GALNT5: variants seen among roughly 807,000 people sequenced by gnomAD.
The protein encoded by GALNT5 is UDP-GalNAc:polypeptide N-acetylgalactosaminyltransferase 5.
In GALNT5, 72 loss-of-function variants were observed where a neutral mutation model predicts 85.4. The ratio of observed to expected loss-of-function variants is 0.84; its 90% CI spans 0.70 to 1.03. GALNT5 has a LOEUF of 1.03. Ranked by LOEUF, GALNT5 falls within the 50% of genes least tolerant of loss-of-function variation. GALNT5 has a pLI of 0.00. For missense variants in GALNT5, 1,137 were observed against 1,135.5 expected (o/e 1.00, Z -0.02); for synonymous variants, 404 against 397.0 (o/e 1.02, Z -0.21).
intron 2 of GALNT5, 113 bp downstream of exon 2, chr2:157,284,561 T>C: frequency 1.3e-6 from 1 of 770,444 alleles, no homozygotes; most frequent in Non-Finnish European, 2.2e-6. Flanking sequence ...ATAAACATCG[T>C]ACAAATGCTT....
intron 1 of GALNT5, among the ~76,000 whole-genome samples, chr2:157,267,705 T>A (rs1682486280): frequency 2.0e-5 from 3 of 152,222 alleles, no homozygotes; most frequent in African/African-American, 7.2e-5. Flanking sequence ...TGGTGGCTTA[T>A]ATTTCTAAGC....
intron 1 of GALNT5, among the ~76,000 whole-genome samples, chr2:157,283,653 T>A (rs1431411684): frequency 3.3e-5 from 5 of 152,034 alleles, no homozygotes; most frequent in African/African-American, 1.2e-4. Flanking sequence ...CCATGGCAGT[T>A]GGCAGACAGC....
chr2:157,270,243 T>A (rs1682553113), intron 1 of GALNT5, among the ~76,000 whole-genome samples: 1 of 152,210 alleles, frequency 6.6e-6, no homozygotes, highest in Admixed American at 6.5e-5. Context: ...TAGACTCATA[T>A]TAATCCAGCA....
chr2:157,267,687 G>C (rs1228198903), intron 1 of GALNT5, among the ~76,000 whole-genome samples: 1 of 152,212 alleles, frequency 6.6e-6, no homozygotes, highest in Non-Finnish European at 1.5e-5. Context: ...AGTGGTGAAT[G>C]TTTATGCTGG....
chr2:157,273,980 C>G (rs960222905), intron 1 of GALNT5, among the ~76,000 whole-genome samples: 2 of 151,988 alleles, frequency 1.3e-5, no homozygotes, highest in Non-Finnish European at 2.9e-5. Context: ...CTCCAGCCCC[C>G]CACCCCCTAA....
rs530331278 is a variant in GALNT5, at chr2:157,276,362, G to T, written c.1455-7920G>T. 4.4e-3 allele frequency among the ~76,000 whole-genome samples: 672 copies of T among 152,164 alleles called. 5 individuals carry two copies. The highest frequency in any genetic ancestry group is 0.015 in the African/African-American group (630 of 41,530). ...ATAAAATGAGTTAGGGAGGATTCCT[G>T]CTTTTTGTATTGATTGGAATAGTTT... On this transcript the variant is annotated intron_variant, in intron 1 of 9. Transcript: ENST00000259056.
Position 157,299,603 on chromosome 2 carries a change from C to T in GALNT5, c.2053C>T (p.Leu685Phe). 1.2e-6 allele frequency: 2 copies of T among 1,613,394 alleles called. No homozygotes were observed. The highest frequency in any genetic ancestry group is 8.5e-7 in the Non-Finnish European group (1 of 1,179,400). The change falls in exon 6 of 10, where the codon CTT becomes TTT. Residue 685 changes from leucine (L) to phenylalanine (F), a missense_variant. Transcript: ENST00000259056. ...FSIDKSYFFELGTYDPGLDVW... is the reference protein window; with the variant it reads ...FSIDKSYFFEFGTYDPGLDVW... ...TATTGACAAAAGTTACTTTTTTGAA[C>T]TTGGAACATACGACCCTGGCCTTGA...
chr2:157,294,455 G>A (rs1390219992), intron 3 of GALNT5, among the ~76,000 whole-genome samples: 1 of 152,180 alleles, frequency 6.6e-6, no homozygotes, highest in Non-Finnish European at 1.5e-5. Context: ...CGAGCAAAGT[G>A]TCTTCAAGAC....
intron 1 of GALNT5, among the ~76,000 whole-genome samples, chr2:157,281,051 ATTTCTTTC>A (rs113379473): frequency 4.0e-5 from 6 of 151,782 alleles, no homozygotes; most frequent in South Asian, 4.2e-4. Flanking sequence ...AGTCTCAGGT[ATTTCTTTC>A]TTTCTTTCTT....
At chr2:157,286,270 T>A in intron 3 of GALNT5, 136 bp downstream of exon 3, 1 of 677,438 alleles carries the variant, frequency 1.5e-6, no homozygotes, top group Non-Finnish European at 2.5e-6. Context: ...TTTTAAACAG[T>A]TTTTATAATA....
intron 1 of GALNT5, among the ~76,000 whole-genome samples, chr2:157,261,033 C>T (rs1375308351): frequency 6.6e-6 from 1 of 152,222 alleles, no homozygotes; most frequent in Admixed American, 6.5e-5. Flanking sequence ...TCTTCCATCT[C>T]TTGCCAATCT....
intron 1 of GALNT5, among the ~76,000 whole-genome samples, chr2:157,262,207 T>TAAAAAAAAAAAAAA (rs535714685): frequency 2.0e-5 from 2 of 97,840 alleles, no homozygotes; most frequent in African/African-American, 3.4e-5. Flanking sequence ...CCAAAAAATG[T>TAAAAAAAAAAAAAA]AAAAAAAAAA....
chr2:157,283,962 G>C (rs1377188716), intron 1 of GALNT5, among the ~76,000 whole-genome samples: 1 of 152,180 alleles, frequency 6.6e-6, no homozygotes, highest in Non-Finnish European at 1.5e-5. Context: ...CTAACTACCT[G>C]TAAACCCTGT....
chr2:157,313,299 G>T lies in GALNT5; in HGVS notation c.*1951G>T, dbSNP rs149298046. On this transcript the variant is annotated 3_prime_UTR_variant, in exon 10 of 10. Transcript: ENST00000259056. ...GTAACATGCACAAGTTTGTAACCTA[G>T]GAGCAACAGGGATTCCATATAGCCT... 19 of 152,258 alleles carry T rather than the reference G, an allele frequency of 1.2e-4. No individual in the cohort carries two copies. Among genetic ancestry groups the T allele is most frequent in the African/African-American group, 4.3e-4 (18 of 41,556 alleles). 9.4% of individuals were successfully genotyped at this position (152,258 alleles called of 1,614,324 possible).
chr2:157,282,826 C>G (rs575925551), intron 1 of GALNT5, among the ~76,000 whole-genome samples: 62 of 152,208 alleles, frequency 4.1e-4, no homozygotes, highest in African/African-American at 1.3e-3. Context: ...CATTTAACTT[C>G]CCAAGATTTG....
intron 5 of GALNT5, 106 bp downstream of exon 5, chr2:157,296,619 G>A (rs1452439172): frequency 4.9e-6 from 4 of 821,288 alleles, no homozygotes; most frequent in Non-Finnish European, 7.7e-6. Context: ...AGAACATTAA[G>A]AATCACAGTT....
At chr2:157,310,705 T>A (rs1231158261) in intron 9 of GALNT5, among the ~76,000 whole-genome samples, 1 of 152,228 alleles carries the variant, frequency 6.6e-6, no homozygotes, top group East Asian at 1.9e-4. Flanking sequence ...GACTTTTTCC[T>A]AATCTGGATT....
intron 3 of GALNT5, among the ~76,000 whole-genome samples, chr2:157,291,044 C>T (rs1047689262): frequency 1.3e-5 from 2 of 151,980 alleles, no homozygotes; most frequent in South Asian, 2.1e-4. Flanking sequence ...ACAGGTAGGC[C>T]GGGGCAATGG....
At chr2:157,307,281 A>C (rs930078466) in intron 8 of GALNT5, among the ~76,000 whole-genome samples, 1 of 152,238 alleles carries the variant, frequency 6.6e-6, no homozygotes, top group African/African-American at 2.4e-5. Flanking sequence ...CATTTTCAGC[A>C]GAATTAATGA....
Sources: allele counts gnomAD v4.1 joint callset (sites outside exome capture counted in the v4.1 genomes callset), GRCh38; gene constraint gnomAD v4.1.1; transcripts MANE v1.5; gene names NCBI Gene and HGNC (gene_info 2026-07-23, HGNC 2026-07-21).